RUNX3: variants seen among roughly 807,000 people sequenced by gnomAD.
The protein encoded by RUNX3 is runt-related transcription factor 3.
In RUNX3, 10 loss-of-function variants were observed where a neutral mutation model predicts 27.7. The ratio of observed to expected loss-of-function variants is 0.36; its 90% CI spans 0.22 to 0.61. The LOEUF (loss-of-function observed/expected upper bound fraction) is 0.61. RUNX3 is among the 20% of genes least tolerant of loss of function. The pLI, the probability that RUNX3 is intolerant of heterozygous loss-of-function variation, is 0.72. For missense variants in RUNX3, 469 were observed against 629.5 expected (o/e 0.75, Z 2.73); for synonymous variants, 270 against 269.2 (o/e 1.00, Z -0.03).
chr1:24,929,729 C>A lies in RUNX3; in HGVS notation c.140G>T (p.Arg47Leu). The A allele has an allele frequency of 6.7e-7, 1 of 1,502,472 alleles. No individual in the cohort carries two copies. The highest frequency in any genetic ancestry group is 2.7e-5 in the East Asian group (1 of 36,942). 93.1% of individuals were successfully genotyped at this position (1,502,472 alleles called of 1,614,324 possible). Residue 47 changes from arginine (R) to leucine (L), a missense_variant, in exon 1 of 5, where the codon CGC (arginine) becomes CTC (leucine). Coordinates refer to ENST00000308873, the MANE Select transcript of RUNX3 (RefSeq NM_004350.3). The stretch of plus-strand genomic sequence containing the variant: ...CATCGAGCGCACCTCGGGCCGGGCG[C>A]GCCCTCCGGGCCCCACGGCCGCCTG... The part of the protein sequence containing the change: ...SAQAAVGPGG[R>L]ARPEVRSMVD...
At chr1:24,906,654 G>C (rs1408549611) in intron 4 of RUNX3, among the ~76,000 whole-genome samples, 1 of 152,230 alleles carries the variant, frequency 6.6e-6, no homozygotes, top group Middle Eastern at 3.2e-3. Context: ...GGAGACCCCA[G>C]CTCGGTCTTC....
intron 2 of RUNX3, among the ~76,000 whole-genome samples, chr1:24,957,336 TCATCCATCCATCCATC>T (rs72443915): frequency 2.6e-4 from 39 of 149,910 alleles, no homozygotes; most frequent in Admixed American, 1.4e-3. Flanking sequence ...ATTCATTCGT[TCATCCATCCATCCATC>T]CATCCATCCA....
intron 4 of RUNX3, among the ~76,000 whole-genome samples, chr1:24,905,856 G>T (rs1027395134): frequency 6.6e-6 from 1 of 152,262 alleles, no homozygotes; most frequent in Non-Finnish European, 1.5e-5. Context: ...CGCGGCAGGG[G>T]TGGGCGTGAG....
At chr1:24,932,758 C>G (rs1195440338), upstream of RUNX3, among the ~76,000 whole-genome samples, 3 of 152,184 alleles carry the variant, frequency 2.0e-5, no homozygotes, top group East Asian at 1.9e-4. Context: ...CCGACTCCCC[C>G]ACCTGGGGCA....
At chr1:24,908,862 C>G (rs1640742148) in intron 3 of RUNX3, among the ~76,000 whole-genome samples, 1 of 152,214 alleles carries the variant, frequency 6.6e-6, no homozygotes, top group Non-Finnish European at 1.5e-5. Context: ...CTAAGTCACT[C>G]TGGGATCCCC....
chr1:24,923,286 G>A lies in RUNX3; in HGVS notation c.440-3942C>T, dbSNP rs1217902817. On this transcript the variant is annotated intron_variant, in intron 2 of 4. Transcript: ENST00000308873. The surrounding 1 kb of genome is among the most constrained non-coding windows in gnomAD (Gnocchi z 5.9). The stretch of plus-strand genomic sequence containing the variant: ...GGGAGGGGCAGGAGTCCTGGACCTC[G>A]GGAGACAGGGAGCCTGGGGAGCAGG... 1.3e-5 allele frequency among the ~76,000 whole-genome samples: 2 copies of A among 152,108 alleles called. No homozygotes were observed. Among genetic ancestry groups the A allele is most frequent in the Admixed American group, 6.6e-5 (1 of 15,260 alleles).
chr1:24,959,506 G>A (rs1371228624), intron 2 of RUNX3, among the ~76,000 whole-genome samples: 1 of 152,192 alleles, frequency 6.6e-6, no homozygotes, highest in East Asian at 1.9e-4. Flanking sequence ...TCCCAGGGAT[G>A]GCGGGGAGGG....
upstream of RUNX3, among the ~76,000 whole-genome samples, chr1:24,932,055 C>A (rs2124315264): frequency 6.6e-6 from 1 of 152,330 alleles, no homozygotes; most frequent in South Asian, 2.1e-4. Flanking sequence ...GCGGGCAACA[C>A]GTGCTGCCCT....
intron 2 of RUNX3, among the ~76,000 whole-genome samples, chr1:24,960,833 C>T (rs1642091639): frequency 6.6e-6 from 1 of 152,128 alleles, no homozygotes; most frequent in Non-Finnish European, 1.5e-5. Context: ...AGGGACTTGT[C>T]CTTAGTTACA....
rs142456291 is a variant in RUNX3 at position 24,902,208 on chromosome 1, C to T, written c.1162G>A (p.Val388Met). The T allele has an allele frequency of 2.2e-5, 34 of 1,570,276 alleles. No homozygotes were observed. The highest frequency in any genetic ancestry group is 4.7e-5 in the South Asian group (4 of 85,872). ...NPSLGGQSDGVEADGSHSNSP... is the reference protein window; with the variant it reads ...NPSLGGQSDGMEADGSHSNSP... ...TTGCTGTGGCTGCCGTCGGCCTCCA[C>T]GCCATCACTCTGGCCGCCCAGGCTG... Residue 388 changes from valine (V) to methionine (M), a missense_variant, in exon 5 of 5, where the codon GTG becomes ATG. Val to Met is a conservative substitution (Grantham distance 21). Coordinates refer to ENST00000308873, the MANE Select transcript of RUNX3 (RefSeq NM_004350.3). The surrounding 1 kb of genome is among the most constrained non-coding windows in gnomAD (Gnocchi z 9.2).
chr1:24,934,771 C>G (rs182592097), upstream of RUNX3, among the ~76,000 whole-genome samples: 159 of 152,252 alleles, frequency 1.0e-3, 1 homozygote, highest in African/African-American at 3.7e-3. Flanking sequence ...TGTCAGCACT[C>G]TCCTCCTAGT....
chr1:24,952,214 A>G (rs1237890569), intron 2 of RUNX3, among the ~76,000 whole-genome samples: 1 of 152,184 alleles, frequency 6.6e-6, no homozygotes, highest in Non-Finnish European at 1.5e-5. Flanking sequence ...CCTTGAGAAG[A>G]TAATTTCCCC....
At chr1:24,911,867 C>T (rs1347570934) in intron 3 of RUNX3, among the ~76,000 whole-genome samples, 2 of 152,248 alleles carry the variant, frequency 1.3e-5, no homozygotes, top group Non-Finnish European at 2.9e-5. Flanking sequence ...CCCACGCTCC[C>T]ACCACATGCT....
chr1:24,935,423 C>T (rs536877077), intron 2 of RUNX3, among the ~76,000 whole-genome samples: 5 of 152,178 alleles, frequency 3.3e-5, no homozygotes, highest in African/African-American at 7.2e-5. Context: ...AGCTCCCTTG[C>T]GTCCACATGA....
In RUNX3 at chr1:24,927,512, C is replaced by CTCCT; in HGVS notation, c.439+58_439+61dup. On this transcript the variant is annotated intron_variant, in intron 2 of 4. Transcript: ENST00000308873. This position sits in a 1 kb window ranked among gnomAD's most constrained non-coding sequence, Gnocchi z 5.0. Reference sequence around the variant, plus strand: ...GGGATTCTAAGGCCCCTCTTTCAACCTCCTTCCCTGCTGCCCCTGCCATTG... The same window carrying CTCCT: ...GGGATTCTAAGGCCCCTCTTTCAACCTCCTTCCTTCCCTGCTGCCCCTGCCATTG... 1 of 1,566,248 alleles carries CTCCT rather than the reference C, an allele frequency of 6.4e-7. No individual in the cohort carries two copies. Among genetic ancestry groups the CTCCT allele is most frequent in the South Asian group, 1.1e-5 (1 of 89,630 alleles).
At chr1:24,918,051 G>C (rs1020174552) in intron 3 of RUNX3, among the ~76,000 whole-genome samples, 2 of 152,174 alleles carry the variant, frequency 1.3e-5, no homozygotes, top group Non-Finnish European at 2.9e-5. Flanking sequence ...GATGCGTGCC[G>C]GGGCTCAGGG....
chr1:24,910,056 G>A (rs931481186), intron 3 of RUNX3, among the ~76,000 whole-genome samples: 2 of 152,152 alleles, frequency 1.3e-5, no homozygotes, highest in East Asian at 1.9e-4. Context: ...AAGCCGAGGC[G>A]GGCGGATCAC....
intron 2 of RUNX3, among the ~76,000 whole-genome samples, chr1:24,921,114 C>T (rs781635450): frequency 3.1e-4 from 47 of 152,294 alleles, no homozygotes; most frequent in Middle Eastern, 6.8e-3. Flanking sequence ...GCTGCCCAAG[C>T]GCATCCCTCT....
intron 3 of RUNX3, among the ~76,000 whole-genome samples, chr1:24,908,265 C>CGGTGATCCAAACCTCTACGACATGT (rs1557837422): frequency 4.7e-5 from 7 of 150,358 alleles, no homozygotes; most frequent in Admixed American, 4.6e-4. Context: ...CTACGACACG[C>CGGTGATCCAAACCTCTACGACATGT]GGTGATCCAA....
Sources: allele counts gnomAD v4.1 joint callset (sites outside exome capture counted in the v4.1 genomes callset), GRCh38; gene constraint gnomAD v4.1.1; non-coding constraint Gnocchi (gnomAD v3.1); transcripts MANE v1.5; gene names NCBI Gene and HGNC (gene_info 2026-07-23, HGNC 2026-07-21).